Variants in PDE1A observed in about 807,000 individuals in gnomAD.
PDE1A encodes the protein phosphodiesterase 1A.
In PDE1A, 35 loss-of-function variants were observed where a neutral mutation model predicts 61.7. The ratio of observed to expected loss-of-function variants is 0.57; its 90% confidence interval spans 0.43 to 0.75. PDE1A has a LOEUF of 0.75. Among genes scored for constraint, PDE1A ranks in the 30% least tolerant of loss-of-function variants. The probability of loss-of-function intolerance (pLI) is 0.00; values close to 1 mark genes in which losing one functional copy is unlikely to be tolerated. For missense variants in PDE1A, 597 were observed against 630.6 expected (o/e 0.95, Z 0.57); for synonymous variants, 232 against 213.2 (o/e 1.09, Z -0.77).
chr2:182,262,352 GC>G (rs1383936673), intron 2 of PDE1A, among the ~76,000 whole-genome samples: 1 of 151,804 alleles, frequency 6.6e-6, no homozygotes, highest in Non-Finnish European at 1.5e-5. Context: ...TGCAACCTCG[GC>G]CTCCCTGGCT....
chr2:182,541,847 A>G, the PDE1A span, among the ~76,000 whole-genome samples: 1 of 152,196 alleles, frequency 6.6e-6, no homozygotes, highest in Non-Finnish European at 1.5e-5. Context: ...TTACCTTTAC[A>G]TGTTAGAAAA....
the PDE1A span, among the ~76,000 whole-genome samples, chr2:182,580,852 G>A: frequency 6.6e-6 from 1 of 151,990 alleles, no homozygotes; most frequent in Non-Finnish European, 1.5e-5. Flanking sequence ...CTTTTGGGAA[G>A]ATAAGTAATT....
the PDE1A span, among the ~76,000 whole-genome samples, chr2:182,590,141 T>G: frequency 1.3e-5 from 2 of 152,198 alleles, no homozygotes; most frequent in Non-Finnish European, 2.9e-5. Context: ...CACCTTGATA[T>G]AGCTCACAAC....
At chr2:182,462,157 G>A (rs1197764171) in intron 2 of PDE1A, among the ~76,000 whole-genome samples, 1 of 152,036 alleles carries the variant, frequency 6.6e-6, no homozygotes, top group African/African-American at 2.4e-5. Flanking sequence ...GCCTGTTGTG[G>A]GGTGGGGGGA....
chr2:182,299,824 G>A (rs938839226), intron 1 of PDE1A, among the ~76,000 whole-genome samples: 1 of 152,092 alleles, frequency 6.6e-6, no homozygotes, highest in African/African-American at 2.4e-5. Flanking sequence ...TAACTTTCTT[G>A]CTGTCTAACA....
At chr2:182,694,810 G>C in the PDE1A span, among the ~76,000 whole-genome samples, 7 of 110,378 alleles carry the variant, frequency 6.3e-5, no homozygotes, top group Admixed American at 2.2e-4. Flanking sequence ...ATATTACATA[G>C]AGGAAAAAAA....
At chr2:182,493,730 G>A (rs1252205469) in intron 2 of PDE1A, among the ~76,000 whole-genome samples, 2 of 152,150 alleles carry the variant, frequency 1.3e-5, no homozygotes, top group South Asian at 2.1e-4. Context: ...ATACACGACC[G>A]AATACTATGC....
intron 2 of PDE1A, among the ~76,000 whole-genome samples, chr2:182,258,174 A>G (rs1691966542): frequency 6.6e-6 from 1 of 152,152 alleles, no homozygotes; most frequent in Non-Finnish European, 1.5e-5. Flanking sequence ...TCTCGAAAAA[A>G]AAAAGAAAAG....
chr2:182,145,603 C>A (rs1267500704), downstream of PDE1A, among the ~76,000 whole-genome samples: 1 of 152,078 alleles, frequency 6.6e-6, no homozygotes, highest in Non-Finnish European at 1.5e-5. Context: ...GGGGTGGGTG[C>A]CTGTAGTCCC....
At chr2:182,577,807 C>T in the PDE1A span, among the ~76,000 whole-genome samples, 1 of 152,110 alleles carries the variant, frequency 6.6e-6, no homozygotes, top group African/African-American at 2.4e-5. Flanking sequence ...GTAATCCCAG[C>T]TACTCAGGAG....
At chr2:182,471,253 T>C (rs1236496837) in intron 2 of PDE1A, among the ~76,000 whole-genome samples, 3 of 151,778 alleles carry the variant, frequency 2.0e-5, no homozygotes. Context: ...ATGGATAATA[T>C]ATCACAAAGG....
intron 2 of PDE1A, among the ~76,000 whole-genome samples, chr2:182,446,409 A>G (rs1685136863): frequency 6.6e-6 from 1 of 152,110 alleles, no homozygotes; most frequent in South Asian, 2.1e-4. Flanking sequence ...ATCAGGTCAG[A>G]GGATGGAGAT....
chr2:182,417,178 T>A (rs1702972680), intron 1 of PDE1A, among the ~76,000 whole-genome samples: 1 of 152,244 alleles, frequency 6.6e-6, no homozygotes, highest in African/African-American at 2.4e-5. Flanking sequence ...CCAAACACTT[T>A]ATGCACTTTT....
chr2:182,251,099 T>C (rs1691364624), intron 2 of PDE1A, among the ~76,000 whole-genome samples: 1 of 152,196 alleles, frequency 6.6e-6, no homozygotes, highest in Non-Finnish European at 1.5e-5. Flanking sequence ...TTTGAAAATA[T>C]TCCATTAGGC....
intron 2 of PDE1A, among the ~76,000 whole-genome samples, chr2:182,439,054 A>G (rs1405148569): frequency 6.6e-6 from 1 of 152,024 alleles, no homozygotes; most frequent in African/African-American, 2.4e-5. Context: ...TATAGTGCAT[A>G]ATAAGGTGTA....
intron 10 of PDE1A, among the ~76,000 whole-genome samples, chr2:182,189,455 T>C (rs1159559305): frequency 6.6e-6 from 1 of 152,238 alleles, no homozygotes; most frequent in African/African-American, 2.4e-5. Flanking sequence ...AACAGACCTT[T>C]ACTATCAAAA....
chr2:182,227,365 T>C (rs760355211), intron 6 of PDE1A, among the ~76,000 whole-genome samples: 61 of 151,980 alleles, frequency 4.0e-4, no homozygotes, highest in Non-Finnish European at 5.0e-4. Context: ...GTGTATTATA[T>C]AAAGGGTGGG....
At chr2:182,662,352 C>CAAAAAAAAACA in the PDE1A span, among the ~76,000 whole-genome samples, 1 of 115,526 alleles carries the variant, frequency 8.7e-6, no homozygotes, top group African/African-American at 3.1e-5. Flanking sequence ...AAAAAAAAAA[C>CAAAAAAAAACA]AAAAAAAAAC....
intron 2 of PDE1A, among the ~76,000 whole-genome samples, chr2:182,441,533 A>G (rs1684794924): frequency 1.3e-5 from 2 of 152,040 alleles, no homozygotes; most frequent in East Asian, 1.9e-4. Context: ...TAAATATAAT[A>G]TATACAACCC....
Sources: allele counts gnomAD v4.1 joint callset (sites outside exome capture counted in the v4.1 genomes callset), GRCh38; gene constraint gnomAD v4.1.1; transcripts MANE v1.5; gene names NCBI Gene and HGNC (gene_info 2026-07-23, HGNC 2026-07-21).